The following PCDHGB4 variants were observed in gnomAD, a reference collection of about 807,000 sequenced individuals.
The protein encoded by PCDHGB4 is protocadherin gamma-B4.
PCDHGB4 carries 38 observed loss-of-function variants against 60.5 expected under a neutral mutation model. The ratio of observed to expected loss-of-function variants is 0.63; its 90% CI spans 0.48 to 0.82. The LOEUF (loss-of-function observed/expected upper bound fraction) is 0.82. Among genes scored for constraint, PCDHGB4 ranks in the 40% least tolerant of loss-of-function variants. PCDHGB4 has a pLI of 0.00. For missense variants in PCDHGB4, 1,109 were observed against 1,209.6 expected (o/e 0.92, Z 1.23); for synonymous variants, 456 against 509.7 (o/e 0.89, Z 1.42).
At position 141,476,581 on chromosome 5, in the gene PCDHGB4, G is replaced by A. The variant is rs1393235114; in HGVS notation, c.2398-18226G>A. The A allele has an allele frequency of 5.0e-6, 8 of 1,614,230 alleles. No individual in the cohort carries two copies. The highest frequency in any genetic ancestry group is 6.8e-6 in the Non-Finnish European group (8 of 1,180,042). ...CCGTGGCTCCGGGGACGCGCTTTCC[G>A]CTCGAGAGCGCGCACGATCCCGATG... On this transcript the variant is annotated intron_variant, in intron 1 of 3. Transcript: ENST00000519479. This position sits in a 1 kb window ranked among gnomAD's most constrained non-coding sequence, Gnocchi z 7.6.
intron 1 of PCDHGB4, 142 bp downstream of exon 1, chr5:141,390,423 C>T: frequency 9.4e-7 from 1 of 1,058,546 alleles, no homozygotes; most frequent in Non-Finnish European, 1.3e-6. Context: ...AGTTAAAAAG[C>T]TGTCATATCA....
At chr5:141,423,003 G>A (rs779233337) in intron 1 of PCDHGB4, 1 of 1,614,208 alleles carries the variant, frequency 6.2e-7, no homozygotes, top group African/African-American at 1.3e-5. Flanking sequence ...TGACCAAGGT[G>A]GTTGCGGTGG....
chr5:141,442,870 T>A (rs942975420), intron 1 of PCDHGB4, among the ~76,000 whole-genome samples: 1 of 152,192 alleles, frequency 6.6e-6, no homozygotes, highest in African/African-American at 2.4e-5. Flanking sequence ...AGATGTAAAT[T>A]TACAACTCAG....
intron 1 of PCDHGB4, chr5:141,409,571 TA>T: frequency 6.2e-7 from 1 of 1,613,932 alleles, no homozygotes; most frequent in Non-Finnish European, 8.5e-7. Flanking sequence ...CCAGACGTCC[TA>T]CGTGGTCCAC....
chr5:141,506,207 TTGGGAAGCTGAG>T (rs1487107822), intron 3 of PCDHGB4, among the ~76,000 whole-genome samples: 1 of 152,020 alleles, frequency 6.6e-6, no homozygotes, highest in Non-Finnish European at 1.5e-5. Flanking sequence ...TCCCAGCACT[TTGGGAAGCTGAG>T]GCAGGAGGAT....
Position 141,390,271 on chromosome 5 carries a change from C to A in PCDHGB4, c.2387C>A (p.Thr796Asn). The A allele has an allele frequency of 6.2e-7, 1 of 1,614,036 alleles. No individual in the cohort carries two copies. The highest frequency in any genetic ancestry group is 8.5e-7 in the Non-Finnish European group (1 of 1,179,882). The stretch of plus-strand genomic sequence containing the variant: ...CCACTTTGTAATTCCAGTGAATTGA[C>A]TTCCCATCAGGTGAGTTTCCTTTAA... ...LFPLCNSSEL[T>N]SHQQAPPNTD... Residue 796 changes from threonine to asparagine, a missense_variant, in exon 1 of 4, where the codon ACT (threonine) becomes AAT (asparagine). By Grantham distance (65) the Thr-to-Asn change is moderately conservative. Transcript: ENST00000519479.
Position 141,432,938 on chromosome 5 carries a change from G to C in PCDHGB4, c.2397+42657G>C. ...CTGGCACAAGTCACGCCTGCTGCAG[G>C]CTTCAGGAGGCGGCTTGACAGGAGC... On this transcript the variant is annotated intron_variant, in intron 1 of 3. Transcript: ENST00000519479. The surrounding 1 kb of genome is among the most constrained non-coding windows in gnomAD (Gnocchi z 6.0). 2 of 1,614,192 alleles carry C rather than the reference G, an allele frequency of 1.2e-6. No homozygotes were observed. Among genetic ancestry groups the C allele is most frequent in the South Asian group, 2.2e-5 (2 of 91,086 alleles).
chr5:141,452,358 T>C (rs2098739424), intron 1 of PCDHGB4, among the ~76,000 whole-genome samples: 1 of 152,236 alleles, frequency 6.6e-6, no homozygotes, highest in African/African-American at 2.4e-5. Context: ...CCAAAAGCCT[T>C]GCTTCATTTT....
intron 1 of PCDHGB4, chr5:141,427,490 T>C (rs752745429): frequency 1.8e-6 from 1 of 551,082 alleles, no homozygotes; most frequent in Non-Finnish European, 3.5e-6. Flanking sequence ...ACTATAAGCT[T>C]GTAACAGATG....
intron 1 of PCDHGB4, among the ~76,000 whole-genome samples, chr5:141,455,138 TTAAA>T (rs1193499111): frequency 1.3e-5 from 2 of 151,028 alleles, no homozygotes; most frequent in Admixed American, 1.3e-4. Context: ...TTACACTGTG[TTAAA>T]TAAATATTAG....
chr5:141,476,071 T>A lies in PCDHGB4; in HGVS notation c.2398-18736T>A. On this transcript the variant is annotated intron_variant, in intron 1 of 3. Transcript: ENST00000519479. The surrounding 1 kb of genome is among the most constrained non-coding windows in gnomAD (Gnocchi z 7.6). ...CCGCTGAAAGTTTCTCAGCGAAATC[T>A]CAGGGACGATCTGGACCCCGCTGAG... 6.6e-7 allele frequency: 1 copy of A among 1,522,792 alleles called. No individual in the cohort carries two copies. The highest frequency in any genetic ancestry group is 8.8e-7 in the Non-Finnish European group (1 of 1,142,680). 94.3% of individuals were successfully genotyped at this position (1,522,792 alleles called of 1,614,324 possible).
At chr5:141,439,737 A>T (rs947754447) in intron 1 of PCDHGB4, 4 of 152,382 alleles carry the variant, frequency 2.6e-5, no homozygotes, top group Non-Finnish European at 5.9e-5. Flanking sequence ...CAGGAACGGA[A>T]CGGATTTACA....
intron 1 of PCDHGB4, chr5:141,423,735 G>A (rs2096770441): frequency 1.3e-6 from 1 of 777,372 alleles, no homozygotes; most frequent in African/African-American, 2.5e-5. Context: ...TTTTGAGCCT[G>A]TTATGAAAAC....
chr5:141,428,081 C>T (rs768842388), intron 1 of PCDHGB4: 2 of 1,609,218 alleles, frequency 1.2e-6, no homozygotes, highest in Non-Finnish European at 1.7e-6. Context: ...CGGGACACAA[C>T]GCTTGGCTGT....
chr5:141,476,070 C>T lies in PCDHGB4; in HGVS notation c.2398-18737C>T. ...CCCGCTGAAAGTTTCTCAGCGAAAT[C>T]TCAGGGACGATCTGGACCCCGCTGA... is the stretch of plus-strand genomic sequence containing the variant. On this transcript the variant is annotated intron_variant, in intron 1 of 3. Transcript: ENST00000519479. This position sits in a 1 kb window ranked among gnomAD's most constrained non-coding sequence, Gnocchi z 7.6. 6.6e-7 allele frequency: 1 copy of T among 1,522,382 alleles called. No individual in the cohort carries two copies. The highest frequency in any genetic ancestry group is 1.3e-5 in the South Asian group (1 of 77,762). 94.3% of individuals were successfully genotyped at this position (1,522,382 alleles called of 1,614,324 possible). A position where few individuals can be genotyped will look rare whatever the true frequency, so the allele number is the denominator to read the frequency against.
At chr5:141,394,937 C>A in intron 1 of PCDHGB4, 1 of 1,613,806 alleles carries the variant, frequency 6.2e-7, no homozygotes, top group Non-Finnish European at 8.5e-7. Context: ...TCGCCTTTGT[C>A]GCTGTGCTTC....
At chr5:141,481,822 G>A (rs1017311512) in intron 1 of PCDHGB4, among the ~76,000 whole-genome samples, 12 of 151,620 alleles carry the variant, frequency 7.9e-5, no homozygotes, top group Non-Finnish European at 1.5e-4. Context: ...CGTGGTGGCT[G>A]AGGCAGGAGA....
intron 1 of PCDHGB4, among the ~76,000 whole-genome samples, chr5:141,488,225 T>G (rs2099673126): frequency 6.6e-6 from 1 of 152,136 alleles, no homozygotes. Flanking sequence ...CTACTGGGGA[T>G]TTGAACTAGA....
chr5:141,432,287 G>T lies in PCDHGB4; in HGVS notation c.2397+42006G>T. 1 of 1,614,216 alleles carries T rather than the reference G, an allele frequency of 6.2e-7. No individual in the cohort carries two copies. The highest frequency in any genetic ancestry group is 8.5e-7 in the Non-Finnish European group (1 of 1,180,030). On this transcript the variant is annotated intron_variant, in intron 1 of 3. Coordinates refer to ENST00000519479, the MANE Select transcript of PCDHGB4 (RefSeq NM_003736.4). This position sits in a 1 kb window ranked among gnomAD's most constrained non-coding sequence, Gnocchi z 6.0. ...ATCGTCCTACGTGTCCATCAACTCC[G>T]ACACTGGGGTACTGTATGCGCTGAG...
Sources: allele counts gnomAD v4.1 joint callset (sites outside exome capture counted in the v4.1 genomes callset), GRCh38; gene constraint gnomAD v4.1.1; non-coding constraint Gnocchi (gnomAD v3.1); transcripts MANE v1.5; gene names NCBI Gene and HGNC (gene_info 2026-07-23, HGNC 2026-07-21).